Variants in BZW2 observed in about 807,000 individuals in gnomAD.
BZW2 encodes basic leucine zipper and W2 domains 2.
BZW2 carries 23 observed loss-of-function variants against 53.2 expected under a neutral mutation model. That is an observed-to-expected ratio of 0.43 (90% CI 0.31 to 0.61). The LOEUF (loss-of-function observed/expected upper bound fraction) is 0.61, where lower values mean the gene tolerates loss of function less well. Ranked by LOEUF, BZW2 falls within the 20% of genes least tolerant of loss-of-function variation. The pLI is 0.09. For synonymous variants in BZW2, 227 were observed against 186.4 expected (o/e 1.22, Z -1.77); for missense variants, 409 against 503.1 (o/e 0.81, Z 1.79).
At chr7:16,661,533 A>C (rs1266042056) in intron 1 of BZW2, among the ~76,000 whole-genome samples, 1 of 152,178 alleles carries the variant, frequency 6.6e-6, no homozygotes, top group Non-Finnish European at 1.5e-5. Context: ...AAATAAATGT[A>C]ATAGGTTAGA....
intron 3 of BZW2, among the ~76,000 whole-genome samples, chr7:16,674,821 A>G (rs1475179475): frequency 6.6e-6 from 1 of 152,176 alleles, no homozygotes; most frequent in Admixed American, 6.5e-5. Context: ...ACGTTACAAC[A>G]AAGTTGGCCA....
chr7:16,675,950 G>A (rs1033778289), intron 3 of BZW2, among the ~76,000 whole-genome samples: 4 of 152,190 alleles, frequency 2.6e-5, no homozygotes, highest in South Asian at 2.1e-4. Flanking sequence ...ATGTGGTGGC[G>A]GCTGCCTGTA....
chr7:16,698,278 C>T, intron 10 of BZW2, 92 bp downstream of exon 10: 2 of 1,514,010 alleles, frequency 1.3e-6, no homozygotes, highest in Non-Finnish European at 1.8e-6. Flanking sequence ...GGTCATGGGG[C>T]TCTGTTTAGA....
At chr7:16,658,762 C>G (rs1782179383) in intron 1 of BZW2, among the ~76,000 whole-genome samples, 1 of 151,916 alleles carries the variant, frequency 6.6e-6, no homozygotes, top group Non-Finnish European at 1.5e-5. Flanking sequence ...GTAATCCCAG[C>G]TACTTGGGAG....
chr7:16,690,019 C>T (rs1405176377), intron 7 of BZW2, 113 bp downstream of exon 7: 2 of 625,506 alleles, frequency 3.2e-6, no homozygotes, highest in East Asian at 6.5e-5. Flanking sequence ...ACTTGGAGCA[C>T]TGTTCCTTTT....
intron 7 of BZW2, among the ~76,000 whole-genome samples, chr7:16,694,525 T>A (rs1478198926): frequency 2.0e-5 from 3 of 152,098 alleles, no homozygotes; most frequent in African/African-American, 7.2e-5. Flanking sequence ...ATGAATGGAT[T>A]AATCCATTCA....
chr7:16,699,613 AT>A (rs1013647151), intron 10 of BZW2, among the ~76,000 whole-genome samples: 15 of 148,572 alleles, frequency 1.0e-4, no homozygotes, highest in Admixed American at 1.3e-4. Context: ...TTTCTCACCA[AT>A]TTTTTTTTTT....
intron 2 of BZW2, among the ~76,000 whole-genome samples, chr7:16,666,551 C>T (rs940641003): frequency 2.6e-5 from 4 of 152,092 alleles, no homozygotes; most frequent in South Asian, 2.1e-4. Context: ...TACAGGCAAC[C>T]GCCATCATAC....
At chr7:16,675,142 A>G (rs1218280180) in intron 3 of BZW2, among the ~76,000 whole-genome samples, 2 of 152,210 alleles carry the variant, frequency 1.3e-5, no homozygotes, top group African/African-American at 4.8e-5. Flanking sequence ...GTAGGCTTCA[A>G]ATGCTATTTA....
chr7:16,653,620 G>A (rs1467014295), intron 1 of BZW2, among the ~76,000 whole-genome samples: 1 of 152,152 alleles, frequency 6.6e-6, no homozygotes, highest in African/African-American at 2.4e-5. Flanking sequence ...AGCTCAACAT[G>A]TATTTAGGTA....
intron 6 of BZW2, among the ~76,000 whole-genome samples, chr7:16,688,165 A>G (rs1160873960): frequency 6.6e-6 from 1 of 152,188 alleles, no homozygotes; most frequent in Non-Finnish European, 1.5e-5. Context: ...ATTGGTATAT[A>G]AGGACATGGA....
At chr7:16,664,763 C>T (rs1316943254) in intron 1 of BZW2, among the ~76,000 whole-genome samples, 2 of 152,158 alleles carry the variant, frequency 1.3e-5, no homozygotes, top group African/African-American at 4.8e-5. Flanking sequence ...TTTACATATA[C>T]AAGTATATTT....
chr7:16,701,082 T>C (rs1783652277), intron 10 of BZW2, among the ~76,000 whole-genome samples: 1 of 152,078 alleles, frequency 6.6e-6, no homozygotes, highest in South Asian at 2.1e-4. Flanking sequence ...TTTACATAAA[T>C]AACAGTGGAA....
rs183998624 is a variant in BZW2, at chr7:16,688,125, A to C, written c.542-1672A>C. On this transcript the variant is annotated intron_variant, in intron 6 of 11. Coordinates refer to ENST00000258761, the MANE Select transcript of BZW2 (RefSeq NM_014038.3). ...AATGATAGACCAATTAAATGCTTTT[A>C]CTTTCCAGTTGCTGGAAGACCTGGG... Among the ~76,000 whole-genome samples, 50 of 152,184 alleles carry C rather than the reference A, an allele frequency of 3.3e-4. No homozygotes were observed. In the East Asian group the frequency reaches 7.7e-3, roughly 24 times the overall value.
At position 16,681,533 on chromosome 7, in the gene BZW2, TA is replaced by T. The variant is rs1465359722; in HGVS notation, c.339+133del. 1.1e-4 allele frequency: 86 copies of T among 764,854 alleles called. 1 individual carries two copies. The African/African-American group carries it at 1.4e-3, about 13-fold the overall frequency. The allele number at this position is 764,854 out of a possible 1,614,324, so 47.4% of individuals were successfully genotyped here. A position where few individuals can be genotyped will look rare whatever the true frequency, so the allele number is the denominator to read the frequency against. On this transcript the variant is annotated intron_variant, in intron 4 of 11. Coordinates refer to ENST00000258761, the MANE Select transcript of BZW2 (RefSeq NM_014038.3). Reference sequence around the variant, plus strand: ...TTAAACTTATGAAAATAATGGGCATTAAAACTACAAAAATAGGCCTAGCAGT... The same window carrying T: ...TTAAACTTATGAAAATAATGGGCATTAAACTACAAAAATAGGCCTAGCAGT...
chr7:16,672,284 G>A (rs1281978942), intron 2 of BZW2, among the ~76,000 whole-genome samples: 3 of 151,932 alleles, frequency 2.0e-5, no homozygotes, highest in Non-Finnish European at 4.4e-5. Context: ...CTGTCTATTC[G>A]ATGTATTTTT....
intron 2 of BZW2, among the ~76,000 whole-genome samples, chr7:16,672,709 T>C (rs1378933185): frequency 6.6e-6 from 1 of 152,202 alleles, no homozygotes; most frequent in Non-Finnish European, 1.5e-5. Context: ...AAATCTGACA[T>C]GTGGTTTGTC....
chr7:16,679,099 A>G (rs1782860268), intron 3 of BZW2, among the ~76,000 whole-genome samples: 1 of 152,186 alleles, frequency 6.6e-6, no homozygotes, highest in Admixed American at 6.5e-5. Flanking sequence ...TGGTCTGACT[A>G]GAATTTTGCC....
In BZW2 at chr7:16,655,265, T is replaced by A. The variant is rs188805368; in HGVS notation, c.-8+8977T>A. Reference sequence around the variant, plus strand: ...TCATAAATCTATTAATTAAAAGGGGTTTTGTTTAATGGAAGCATTATTAGT... The same window carrying A: ...TCATAAATCTATTAATTAAAAGGGGATTTGTTTAATGGAAGCATTATTAGT... On this transcript the variant is annotated intron_variant, in intron 1 of 11. Transcript: ENST00000258761. 9.2e-3 allele frequency among the ~76,000 whole-genome samples: 1,402 copies of A among 152,272 alleles called. 9 individuals carry two copies. The highest frequency in any genetic ancestry group is 0.031 in the Middle Eastern group (9 of 294).
Sources: allele counts gnomAD v4.1 joint callset (sites outside exome capture counted in the v4.1 genomes callset), GRCh38; gene constraint gnomAD v4.1.1; transcripts MANE v1.5; gene names NCBI Gene and HGNC (gene_info 2026-07-23, HGNC 2026-07-21).